Variants in TUBD1 observed in about 807,000 individuals in gnomAD.
TUBD1 encodes tubulin delta 1, also known as tubulin delta chain.
Under a neutral mutation model 51.2 loss-of-function variants are expected in TUBD1, and 38 were observed. The ratio of observed to expected loss-of-function variants is 0.74; its 90% CI spans 0.57 to 0.97. The LOEUF (loss-of-function observed/expected upper bound fraction) is 0.97, where lower values mean the gene tolerates loss of function less well. Ranked by LOEUF, TUBD1 falls within the 50% of genes least tolerant of loss-of-function variation. The pLI is 0.00. For missense variants in TUBD1, 489 were observed against 538.4 expected, an observed-to-expected ratio of 0.91 and a Z score of 0.91; for synonymous variants, 169 against 178.2, an observed-to-expected ratio of 0.95 and a Z score of 0.41.
Position 59,869,209 on chromosome 17 carries a change from C to T in TUBD1, c.935-2460G>A, listed in dbSNP as rs951542817. On this transcript the variant is annotated intron_variant, in intron 6 of 8. Transcript: ENST00000325752. ...GCTGACACCCGGCCGGGCATGGTGG[C>T]TTCTGCCTATAATCCCAGAACTTTG... Among the ~76,000 whole-genome samples, 6 of 151,716 alleles carry T rather than the reference C, an allele frequency of 4.0e-5. No homozygotes were observed. In the South Asian group the frequency reaches 1.0e-3, roughly 26 times the overall value.
At chr17:59,881,317 T>C (rs533214905) in intron 3 of TUBD1, among the ~76,000 whole-genome samples, 14 of 152,320 alleles carry the variant, frequency 9.2e-5, no homozygotes, top group East Asian at 1.9e-4. Flanking sequence ...TGTTCCATTA[T>C]TGGAACGCTA....
intron 6 of TUBD1, among the ~76,000 whole-genome samples, chr17:59,867,934 G>A (rs1328801095): frequency 6.6e-6 from 1 of 151,632 alleles, no homozygotes; most frequent in Non-Finnish European, 1.5e-5. Context: ...CCAAAAGGAT[G>A]TTGCAGAAAT....
At chr17:59,872,693 A>AGT (rs1598525702) in intron 6 of TUBD1, among the ~76,000 whole-genome samples, 2 of 97,934 alleles carry the variant, frequency 2.0e-5, no homozygotes, top group East Asian at 7.3e-4. Context: ...TGAAAATGGG[A>AGT]ATGTGTGTGT....
intron 4 of TUBD1, chr17:59,878,537 T>G: frequency 2.0e-6 from 1 of 502,320 alleles, no homozygotes. Flanking sequence ...CAGGCTGGAG[T>G]ACAGTGGCAC....
At chr17:59,885,106 G>A (rs1049288586) in intron 3 of TUBD1, 9 of 345,944 alleles carry the variant, frequency 2.6e-5, no homozygotes, top group African/African-American at 1.5e-4. Flanking sequence ...ACAGCCTCCC[G>A]CATAACCAAT....
intron 2 of TUBD1, among the ~76,000 whole-genome samples, chr17:59,887,505 C>G (rs2144573947): frequency 6.6e-6 from 1 of 152,206 alleles, no homozygotes; most frequent in African/African-American, 2.4e-5. Flanking sequence ...CAACATCCAG[C>G]TCAGAATTGT....
In TUBD1 at chr17:59,874,474, A is replaced by G. The variant is rs1057377067; in HGVS notation, c.934+65T>C. On this transcript the variant is annotated intron_variant, in intron 6 of 8. Coordinates refer to ENST00000325752, the MANE Select transcript of TUBD1 (RefSeq NM_016261.4). ...TTTAAACTGGTCCAAGCCAGTTTAT[A>G]TTGAGACTCCAGGACAGACATTTTT... 3.3e-6 allele frequency: 5 copies of G among 1,526,496 alleles called. No homozygotes were observed. The Admixed American group carries it at 6.4e-5, about 20-fold the overall frequency. 94.6% of individuals were successfully genotyped at this position (1,526,496 alleles called of 1,614,324 possible). A position where few individuals can be genotyped will look rare whatever the true frequency, so the allele number is the denominator to read the frequency against.
intron 2 of TUBD1, among the ~76,000 whole-genome samples, chr17:59,890,368 C>T (rs1156804632): frequency 5.3e-5 from 8 of 152,076 alleles, no homozygotes; most frequent in African/African-American, 1.9e-4. Context: ...CTCAGCCTCC[C>T]GAGTAGCTGG....
At chr17:59,874,390 C>T in intron 6 of TUBD1, 149 bp downstream of exon 6, 1 of 665,774 alleles carries the variant, frequency 1.5e-6, no homozygotes. Context: ...AAGAAACCCT[C>T]CTAAGATGTC....
In TUBD1 at chr17:59,892,755, T is replaced by G. The variant is rs949909652; in HGVS notation, c.-98A>C. The stretch of plus-strand genomic sequence containing the variant: ...AAACTTCGGACCAACCTACTCACCA[T>G]GCGCATGCTCACTTTCAAAACGAAA... On this transcript the variant is annotated 5_prime_UTR_variant, in exon 1 of 9. An upstream start codon of the reference 5' UTR is lost. Coordinates refer to ENST00000325752, the MANE Select transcript of TUBD1 (RefSeq NM_016261.4). 1 of 169,352 alleles carries G rather than the reference T, an allele frequency of 5.9e-6. No homozygotes were observed. The highest frequency in any genetic ancestry group is 2.4e-5 in the African/African-American group (1 of 41,974). The allele number at this position is 169,352 out of a possible 1,614,324, so 10.5% of individuals were successfully genotyped here. A position where few individuals can be genotyped will look rare whatever the true frequency, so the allele number is the denominator to read the frequency against.
At chr17:59,866,795 G>A in intron 6 of TUBD1, 46 bp from the exon 7 acceptor site, 2 of 1,519,682 alleles carry the variant, frequency 1.3e-6, no homozygotes, top group Non-Finnish European at 1.8e-6. Flanking sequence ...TATTTACTTA[G>A]TTTTTTGAGA....
At chr17:59,880,125 T>C (rs1043588665) in intron 4 of TUBD1, among the ~76,000 whole-genome samples, 5 of 151,798 alleles carry the variant, frequency 3.3e-5, no homozygotes, top group African/African-American at 1.2e-4. Context: ...TGGCGGGATA[T>C]CAGCTCACTG....
rs532562438 is a variant in TUBD1, at chr17:59,865,448, C to T, written c.1075+1161G>A. On this transcript the variant is annotated intron_variant, in intron 7 of 8. Transcript: ENST00000325752. The stretch of plus-strand genomic sequence containing the variant: ...TAAAAAAATCAACCGGGCATGGTGG[C>T]GCATGCCTATAATCCCAGCTACTTG... Among the ~76,000 whole-genome samples, 68 of 152,180 alleles carry T rather than the reference C, an allele frequency of 4.5e-4. 1 individual carries two copies. The highest frequency in any genetic ancestry group is 1.6e-3 in the African/African-American group (67 of 41,522).
Position 59,891,083 on chromosome 17 carries a change from T to G in TUBD1, c.-39-42A>C, listed in dbSNP as rs765050182. On this transcript the variant is annotated intron_variant, in intron 1 of 8. Coordinates refer to ENST00000325752, the MANE Select transcript of TUBD1 (RefSeq NM_016261.4). The stretch of plus-strand genomic sequence containing the variant: ...TACGCTTTGAGAACCACTACATTAC[T>G]AATAAGAACAAATAAAATGCCATGT... 4.8e-6 allele frequency: 5 copies of G among 1,043,618 alleles called. No homozygotes were observed. In the Admixed American group the frequency reaches 1.2e-4, roughly 25 times the overall value. 64.6% of individuals were successfully genotyped at this position (1,043,618 alleles called of 1,614,324 possible).
chr17:59,882,608 TC>T (rs1038379833), intron 3 of TUBD1, among the ~76,000 whole-genome samples: 2 of 152,098 alleles, frequency 1.3e-5, no homozygotes, highest in African/African-American at 4.8e-5. Context: ...ACATCTTTTT[TC>T]CTTTTTGAGT....
chr17:59,869,436 C>T (rs1203329389), intron 6 of TUBD1, among the ~76,000 whole-genome samples: 1 of 151,378 alleles, frequency 6.6e-6, no homozygotes, highest in Non-Finnish European at 1.5e-5. Context: ...GATCGCGCCA[C>T]TGCACTCCAG....
At chr17:59,885,731 T>G (rs975379636) in intron 3 of TUBD1, among the ~76,000 whole-genome samples, 2 of 152,180 alleles carry the variant, frequency 1.3e-5, no homozygotes, top group Non-Finnish European at 2.9e-5. Flanking sequence ...CCAAAGAACC[T>G]CAGGAAATTC....
At chr17:59,885,190 TG>T in intron 3 of TUBD1, 1 of 426,006 alleles carries the variant, frequency 2.3e-6, no homozygotes, top group Non-Finnish European at 4.6e-6. Context: ...AACATGTGTG[TG>T]GGAGACTACG....
At chr17:59,889,432 T>C (rs182380320) in intron 2 of TUBD1, among the ~76,000 whole-genome samples, 10 of 151,200 alleles carry the variant, frequency 6.6e-5, no homozygotes, top group Admixed American at 2.6e-4. Flanking sequence ...TTTGGGAAGC[T>C]GAGGTGGGCA....
Sources: allele counts gnomAD v4.1 joint callset (sites outside exome capture counted in the v4.1 genomes callset), GRCh38; gene constraint gnomAD v4.1.1; transcripts MANE v1.5; gene names NCBI Gene and HGNC (gene_info 2026-07-23, HGNC 2026-07-21).